The following RASA1 variants were observed in gnomAD, a reference collection of about 807,000 sequenced individuals.
RASA1 encodes the protein RAS p21 protein activator 1.
A neutral mutation model predicts 132.2 loss-of-function variants in RASA1; 25 were observed. The ratio of observed to expected loss-of-function variants is 0.19; its 90% CI spans 0.14 to 0.26. The LOEUF is 0.26. Ranked by LOEUF, RASA1 falls within the 10% of genes least tolerant of loss-of-function variation. The pLI, the probability that RASA1 is intolerant of heterozygous loss-of-function variation, is 1.00. For missense variants in RASA1, 964 were observed against 1,299.2 expected, an observed-to-expected ratio of 0.74 and a Z score of 3.97; for synonymous variants, 477 against 449.9, an observed-to-expected ratio of 1.06 and a Z score of -0.76.
At chr5:87,385,743 A>T (rs1388159362) in intron 22 of RASA1, among the ~76,000 whole-genome samples, 1 of 152,022 alleles carries the variant, frequency 6.6e-6, no homozygotes, top group Non-Finnish European at 1.5e-5. Flanking sequence ...TTATTTTTTT[A>T]AACACCTACA....
At chr5:87,293,215 A>G (rs549851202) in intron 1 of RASA1, among the ~76,000 whole-genome samples, 12 of 151,738 alleles carry the variant, frequency 7.9e-5, no homozygotes, top group African/African-American at 2.9e-4. Flanking sequence ...CATTCTCACC[A>G]TTAAGTATGG....
chr5:87,333,380 T>G (rs769068364), intron 4 of RASA1, 43 bp downstream of exon 4: 1 of 1,606,462 alleles, frequency 6.2e-7, no homozygotes, highest in Non-Finnish European at 8.5e-7. Flanking sequence ...TTGAAAGAGC[T>G]AGACTTCGAA....
At position 87,385,342 on chromosome 5, in the gene RASA1, G is replaced by T; in HGVS notation, c.2800G>T (p.Ala934Ser). The T allele has an allele frequency of 6.2e-7, 1 of 1,611,576 alleles. No individual in the cohort carries two copies. Among genetic ancestry groups the T allele is most frequent in the Non-Finnish European group, 8.5e-7 (1 of 1,178,010 alleles). The change falls in exon 22 of 25, where the codon GCT becomes TCT. Residue 934 changes from alanine to serine, a missense_variant. Ala to Ser is a moderately conservative substitution (Grantham distance 99). Coordinates refer to ENST00000274376, the MANE Select transcript of RASA1 (RefSeq NM_002890.3). ...PIAARTLILV[A>S]KSVQNLANLV... Reference sequence around the variant, plus strand: ...TGCTGCAAGAACACTGATATTAGTGGCTAAATCTGTGCAGAACTTAGCAAA... The same window carrying T: ...TGCTGCAAGAACACTGATATTAGTGTCTAAATCTGTGCAGAACTTAGCAAA...
At chr5:87,316,744 A>G (rs554007556) in intron 1 of RASA1, among the ~76,000 whole-genome samples, 1 of 152,310 alleles carries the variant, frequency 6.6e-6, no homozygotes, top group African/African-American at 2.4e-5. Context: ...TATAGATACA[A>G]AGCTGTTTTC....
intron 22 of RASA1, among the ~76,000 whole-genome samples, chr5:87,386,427 C>G (rs1762065671): frequency 6.6e-6 from 1 of 151,894 alleles, no homozygotes; most frequent in South Asian, 2.1e-4. Context: ...TATTTTAATT[C>G]CCTGTAATCT....
rs1387140897 is a variant in RASA1, at chr5:87,378,408, C to T, written c.2357C>T (p.Thr786Ile). Residue 786 changes from threonine to isoleucine, a missense_variant, in exon 18 of 25, where the codon ACC becomes ATC. Physicochemically the swap from Thr to Ile is moderately conservative, Grantham distance 89 (BLOSUM62 -1). Coordinates refer to ENST00000274376, the MANE Select transcript of RASA1 (RefSeq NM_002890.3). ...REISMEDEAT[T>I]LFRATTLAST... ...AATATTTGTGTAGATGAAGCCACTA[C>T]CCTATTTCGAGCCACAACACTTGCA... 1 of 1,613,060 alleles carries T rather than the reference C, an allele frequency of 6.2e-7. No individual in the cohort carries two copies. Among genetic ancestry groups the T allele is most frequent in the Non-Finnish European group, 8.5e-7 (1 of 1,179,346 alleles).
chr5:87,342,638 C>T (rs1339038105), intron 6 of RASA1, among the ~76,000 whole-genome samples: 3 of 152,098 alleles, frequency 2.0e-5, no homozygotes, highest in African/African-American at 7.2e-5. Flanking sequence ...CAAAAAACAA[C>T]ACTGTACGTG....
intron 16 of RASA1, 85 bp from the exon 17 acceptor site, chr5:87,376,796 G>A: frequency 1.4e-6 from 2 of 1,388,038 alleles, no homozygotes; most frequent in South Asian, 1.2e-5. Flanking sequence ...ATAAGAACTT[G>A]TGAAAGAACA....
In RASA1 at chr5:87,378,684, T is replaced by C. The variant is rs1237272102; in HGVS notation, c.2487+146T>C. 8 of 879,526 alleles carry C rather than the reference T, an allele frequency of 9.1e-6. No individual in the cohort carries two copies. The African/African-American group carries it at 1.0e-4, about 11-fold the overall frequency. 54.5% of individuals were successfully genotyped at this position (879,526 alleles called of 1,614,324 possible). A position where few individuals can be genotyped will look rare whatever the true frequency, so the allele number is the denominator to read the frequency against. ...GTTACACCTGTCTGTAATACATTTATAAAAATGTTCTGCAAAATGGACTTC... is the reference window on the plus strand; with the variant it reads ...GTTACACCTGTCTGTAATACATTTACAAAAATGTTCTGCAAAATGGACTTC... On this transcript the variant is annotated intron_variant, in intron 18 of 24. Transcript: ENST00000274376.
At chr5:87,370,775 TAAG>T (rs1383104799) in intron 12 of RASA1, among the ~76,000 whole-genome samples, 4 of 152,170 alleles carry the variant, frequency 2.6e-5, no homozygotes, top group Admixed American at 6.6e-5. Flanking sequence ...TAAAGGTGGT[TAAG>T]AAGTGAAAGT....
intron 1 of RASA1, among the ~76,000 whole-genome samples, chr5:87,292,097 A>G (rs1052197509): frequency 3.3e-5 from 5 of 151,856 alleles, no homozygotes; most frequent in African/African-American, 4.8e-5. Context: ...TTTTGAAAAT[A>G]TTTTTCTCCC....
Position 87,387,017 on chromosome 5 carries a change from A to G in RASA1, c.2925+114A>G, listed in dbSNP as rs1418625051. 6 of 995,792 alleles carry G rather than the reference A, an allele frequency of 6.0e-6. No homozygotes were observed. The Admixed American group carries it at 9.9e-5, about 16-fold the overall frequency. 61.7% of individuals were successfully genotyped at this position (995,792 alleles called of 1,614,324 possible). Reference sequence around the variant, plus strand: ...TTTCTATCCAAAACTAAAAAGACAAAAAGCCTGCAAATTTTTGTCTGCCTT... The same window carrying G: ...TTTCTATCCAAAACTAAAAAGACAAGAAGCCTGCAAATTTTTGTCTGCCTT... On this transcript the variant is annotated intron_variant, in intron 23 of 24. Transcript: ENST00000274376.
chr5:87,367,439 G>A (rs1335344883), intron 11 of RASA1, among the ~76,000 whole-genome samples: 1 of 152,172 alleles, frequency 6.6e-6, no homozygotes, highest in Admixed American at 6.5e-5. Flanking sequence ...CAGCCACCTT[G>A]TGCAGTAGGT....
chr5:87,372,669 A>C (rs1761035017), intron 13 of RASA1, among the ~76,000 whole-genome samples: 1 of 152,142 alleles, frequency 6.6e-6, no homozygotes, highest in Non-Finnish European at 1.5e-5. Flanking sequence ...ATTTGTGGAG[A>C]GTTAAGCTAG....
chr5:87,332,027 T>G (rs777606979), intron 2 of RASA1, among the ~76,000 whole-genome samples: 1 of 152,146 alleles, frequency 6.6e-6, no homozygotes, highest in Admixed American at 6.5e-5. Context: ...CTAATGCATA[T>G]AGTGTTAAAT....
intron 13 of RASA1, among the ~76,000 whole-genome samples, chr5:87,372,734 C>T (rs1421495383): frequency 6.6e-6 from 1 of 151,972 alleles, no homozygotes; most frequent in Non-Finnish European, 1.5e-5. Context: ...CATTTCTTGG[C>T]TTTTTTCTTT....
intron 9 of RASA1, among the ~76,000 whole-genome samples, chr5:87,353,653 G>GGTAA (rs1561303773): frequency 6.6e-6 from 1 of 152,054 alleles, no homozygotes; most frequent in East Asian, 1.9e-4. Flanking sequence ...GTAGTTTTAC[G>GGTAA]GTGAGAGGAT....
chr5:87,268,268 T>C lies in RASA1; in HGVS notation c.-184T>C. On this transcript the variant is annotated 5_prime_UTR_variant, in exon 1 of 25. Transcript: ENST00000274376. ...CTTGGCTTCCCGTAACCCAGGCAGC[T>C]GGGGAGCCTGGGCTGTGGCCCTAGG... 2.3e-6 allele frequency: 2 copies of C among 878,362 alleles called. No individual in the cohort carries two copies. Among genetic ancestry groups the C allele is most frequent in the Non-Finnish European group, 3.3e-6 (2 of 598,860 alleles). 54.4% of individuals were successfully genotyped at this position (878,362 alleles called of 1,614,324 possible).
chr5:87,328,252 A>G (rs1463667176), intron 1 of RASA1, among the ~76,000 whole-genome samples: 2 of 152,180 alleles, frequency 1.3e-5, no homozygotes, highest in Admixed American at 6.5e-5. Context: ...TGTTACACTC[A>G]GAGTATTCTC....
Sources: allele counts gnomAD v4.1 joint callset (sites outside exome capture counted in the v4.1 genomes callset), GRCh38; gene constraint gnomAD v4.1.1; transcripts MANE v1.5; gene names NCBI Gene and HGNC (gene_info 2026-07-23, HGNC 2026-07-21).